Variants in STK3 observed in about 807,000 individuals in gnomAD.
The protein encoded by STK3 is serine/threonine kinase 3.
A neutral mutation model predicts 58.0 loss-of-function variants in STK3; 41 were observed. That is an observed-to-expected ratio of 0.71 (90% CI 0.55 to 0.92). The LOEUF is 0.92. Ranked by LOEUF, STK3 falls within the 40% of genes least tolerant of loss-of-function variation. STK3 has a pLI of 0.00. For synonymous variants in STK3, 170 were observed against 191.0 expected (o/e 0.89, Z 0.91); for missense variants, 479 against 602.7 (o/e 0.79, Z 2.15).
At chr8:98,652,428 G>A (rs1219732406) in intron 6 of STK3, among the ~76,000 whole-genome samples, 13 of 152,004 alleles carry the variant, frequency 8.6e-5, no homozygotes, top group Non-Finnish European at 5.9e-5. Context: ...ATCAACTAAC[G>A]AGCAAAATAA....
At chr8:98,892,952 T>C (rs1383258351) in intron 1 of STK3, among the ~76,000 whole-genome samples, 2 of 152,102 alleles carry the variant, frequency 1.3e-5, no homozygotes, top group Non-Finnish European at 2.9e-5. Flanking sequence ...TTTGAGACGG[T>C]TAATGAAATA....
intron 10 of STK3, among the ~76,000 whole-genome samples, chr8:98,464,948 TG>T (rs1430262385): frequency 6.6e-6 from 1 of 152,164 alleles, no homozygotes; most frequent in East Asian, 1.9e-4. Flanking sequence ...GGATTACAAT[TG>T]GAAACTACCA....
intron 6 of STK3, chr8:98,602,225 T>C (rs980276184): frequency 5.3e-5 from 8 of 152,242 alleles, no homozygotes; most frequent in African/African-American, 1.9e-4. Context: ...TTGTGTCTCT[T>C]GCAAAATTCT....
intron 6 of STK3, among the ~76,000 whole-genome samples, chr8:98,696,620 G>C (rs1030340774): frequency 1.4e-4 from 21 of 152,094 alleles, no homozygotes; most frequent in African/African-American, 4.8e-4. Flanking sequence ...ATAATCATGT[G>C]GTTTTTGTCT....
rs528218231 is a variant in STK3, at chr8:98,859,991, G to C, written c.110+23656C>G. Among the ~76,000 whole-genome samples the C allele has an allele frequency of 4.6e-5, 7 of 152,260 alleles. No homozygotes were observed. In the South Asian group the frequency reaches 1.5e-3, roughly 32 times the overall value. ...AGTTGGTAATTATGCTGAGAGGTGT[G>C]GTTGTGGGTGTTCAGAGGAAAGCGA... On this transcript the variant is annotated intron_variant, in intron 3 of 12. Transcript: ENST00000523601.
rs534225654 is a variant in STK3 at position 98,620,925 on chromosome 8, A to ATTT, written c.685-24759_685-24757dup. On this transcript the variant is annotated intron_variant, in intron 6 of 10. Transcript: ENST00000419617. ...GTTAATGTACACAGAAAAACAACTG[A>ATTT]TTTTTTTTTTTTTTTTTTTTTTGAG... 1.0e-3 allele frequency among the ~76,000 whole-genome samples: 136 copies of ATTT among 130,246 alleles called. 1 individual carries two copies. Among genetic ancestry groups the ATTT allele is most frequent in the South Asian group, 0.01 (39 of 3,768 alleles). The allele number at this position is 130,246 out of a possible 152,430, so 85.4% of individuals were successfully genotyped here.
chr8:98,488,439 A>T (rs887256552), intron 10 of STK3, among the ~76,000 whole-genome samples: 4 of 152,202 alleles, frequency 2.6e-5, no homozygotes, highest in African/African-American at 9.6e-5. Context: ...CCCTAGTGGT[A>T]ACAAAACTGT....
At position 98,767,095 on chromosome 8, in the gene STK3, T is replaced by C; in HGVS notation, c.236+148A>G. ...GAGATGGCGCCATTGCACTCCAGCCTGGGCAACAACGGCAAAACCCTGTCT... is the reference window on the plus strand; with the variant it reads ...GAGATGGCGCCATTGCACTCCAGCCCGGGCAACAACGGCAAAACCCTGTCT... On this transcript the variant is annotated intron_variant, in intron 3 of 10. Transcript: ENST00000419617. 3 of 944,288 alleles carry C rather than the reference T, an allele frequency of 3.2e-6. No individual in the cohort carries two copies. The South Asian group carries it at 6.2e-5, about 19-fold the overall frequency. The allele number at this position is 944,288 out of a possible 1,614,324, so 58.5% of individuals were successfully genotyped here. A position where few individuals can be genotyped will look rare whatever the true frequency, so the allele number is the denominator to read the frequency against.
At chr8:98,775,502 T>A (rs1228361685) in intron 1 of STK3, among the ~76,000 whole-genome samples, 2 of 152,210 alleles carry the variant, frequency 1.3e-5, no homozygotes, top group African/African-American at 2.4e-5. Context: ...GCCAAGACTG[T>A]GCATTACTCA....
intron 6 of STK3, among the ~76,000 whole-genome samples, chr8:98,694,620 G>A (rs1444272957): frequency 3.3e-5 from 5 of 152,000 alleles, no homozygotes; most frequent in Non-Finnish European, 5.9e-5. Context: ...TTGTTCTTGC[G>A]ATAGTTTACT....
intron 6 of STK3, chr8:98,633,520 C>T: frequency 1.4e-6 from 1 of 690,510 alleles, no homozygotes; most frequent in South Asian, 1.5e-5. Context: ...CAGCTCAGGA[C>T]TGAGTGCAAG....
intron 6 of STK3, among the ~76,000 whole-genome samples, chr8:98,641,718 T>C (rs1401341732): frequency 6.6e-6 from 1 of 152,136 alleles, no homozygotes; most frequent in East Asian, 1.9e-4. Flanking sequence ...AAAATATGCA[T>C]ATGTAAATGG....
intron 3 of STK3, among the ~76,000 whole-genome samples, chr8:98,839,745 A>G (rs1835892193): frequency 6.6e-6 from 1 of 152,208 alleles, no homozygotes; most frequent in Non-Finnish European, 1.5e-5. Context: ...CTTTAGGAGA[A>G]AGAGGGTAAG....
At chr8:98,374,546 C>T (rs1433750655) in intron 2 of STK3, among the ~76,000 whole-genome samples, 1 of 152,242 alleles carries the variant, frequency 6.6e-6, no homozygotes, top group African/African-American at 2.4e-5. Context: ...CACTGTGTAC[C>T]TGGCTAAACA....
chr8:98,371,407 C>T (rs1353538072), exon 3 of STK3: 1 of 152,166 alleles, frequency 6.6e-6, no homozygotes, highest in Admixed American at 6.6e-5. Context: ...ACCGAGGCTC[C>T]AAGAGCTTTG....
intron 6 of STK3, among the ~76,000 whole-genome samples, chr8:98,664,447 T>C (rs111857950): frequency 2.0e-5 from 3 of 152,338 alleles, no homozygotes; most frequent in East Asian, 1.9e-4. Context: ...GTAGAATTGT[T>C]TGCTAAGCTT....
intron 1 of STK3, among the ~76,000 whole-genome samples, chr8:98,777,236 A>G (rs1222578783): frequency 6.6e-6 from 1 of 152,116 alleles, no homozygotes; most frequent in African/African-American, 2.4e-5. Context: ...ATGGTAAAAT[A>G]GCAGAAATGG....
intron 1 of STK3, among the ~76,000 whole-genome samples, chr8:98,786,392 T>TC (rs1832463901): frequency 6.6e-6 from 1 of 152,080 alleles, no homozygotes; most frequent in Non-Finnish European, 1.5e-5. Context: ...CCAAAGAAAT[T>TC]TAAAAATTAG....
chr8:98,658,659 T>C (rs1821733049), intron 6 of STK3, among the ~76,000 whole-genome samples: 1 of 152,030 alleles, frequency 6.6e-6, no homozygotes, highest in Admixed American at 6.6e-5. Flanking sequence ...TCACCCCCTA[T>C]TGAACTGCTT....
Sources: allele counts gnomAD v4.1 joint callset (sites outside exome capture counted in the v4.1 genomes callset), GRCh38; gene constraint gnomAD v4.1.1; transcripts MANE v1.5; gene names NCBI Gene and HGNC (gene_info 2026-07-23, HGNC 2026-07-21).